The following SGPP2 variants were observed in gnomAD, a reference collection of about 807,000 sequenced individuals.
SGPP2 encodes sphingosine 1-phosphate phosphohydrolase 2.
SGPP2 carries 30 observed loss-of-function variants against 33.9 expected under a neutral mutation model. The ratio of observed to expected loss-of-function variants is 0.89; its 90% CI spans 0.66 to 1.20. The LOEUF (loss-of-function observed/expected upper bound fraction) is 1.20, where lower values mean the gene tolerates loss of function less well. SGPP2 is among the 50% of genes most tolerant of loss of function. SGPP2 has a pLI of 0.00. For synonymous variants in SGPP2, 233 were observed against 225.0 expected, an observed-to-expected ratio of 1.04 and a Z score of -0.32; for missense variants, 458 against 532.1, an observed-to-expected ratio of 0.86 and a Z score of 1.37.
At chr2:222,536,328 A>G (rs1698914909) in intron 4 of SGPP2, among the ~76,000 whole-genome samples, 1 of 152,242 alleles carries the variant, frequency 6.6e-6, no homozygotes, top group African/African-American at 2.4e-5. Flanking sequence ...TGATATGAAT[A>G]GGTAATATAC....
chr2:222,544,918 A>G (rs1689161063), intron 4 of SGPP2, among the ~76,000 whole-genome samples: 1 of 152,150 alleles, frequency 6.6e-6, no homozygotes, highest in Non-Finnish European at 1.5e-5. Flanking sequence ...AGTGGGCCTG[A>G]CTTGTTATTA....
chr2:222,428,074 C>A (rs140416086), intron 1 of SGPP2, among the ~76,000 whole-genome samples: 128 of 152,320 alleles, frequency 8.4e-4, no homozygotes, highest in African/African-American at 2.9e-3. Flanking sequence ...GTCTAAACTT[C>A]TTTCCTCTGT....
chr2:222,425,007 C>A (rs543310653), intron 1 of SGPP2, among the ~76,000 whole-genome samples, 186 bp downstream of exon 1: 13 of 152,212 alleles, frequency 8.5e-5, no homozygotes, highest in Non-Finnish European at 1.6e-4. Context: ...CACCCTCCAA[C>A]GCTGCCAGGG....
At chr2:222,521,735 A>G in intron 2 of SGPP2, 32 bp from the exon 3 acceptor site, 1 of 1,570,996 alleles carries the variant, frequency 6.4e-7, no homozygotes, top group East Asian at 2.4e-5. Context: ...TCCTTATTTG[A>G]TTAGACTTAC....
At chr2:222,536,184 G>A (rs1366627811) in intron 4 of SGPP2, among the ~76,000 whole-genome samples, 2 of 152,178 alleles carry the variant, frequency 1.3e-5, no homozygotes, top group Non-Finnish European at 2.9e-5. Flanking sequence ...TTTCATTGAA[G>A]GGTGAAGTTT....
chr2:222,446,237 G>A (rs1697396725), intron 1 of SGPP2, among the ~76,000 whole-genome samples: 1 of 152,206 alleles, frequency 6.6e-6, no homozygotes, highest in Admixed American at 6.5e-5. Flanking sequence ...GGAGTCATTG[G>A]AAGGTGGTGA....
intron 2 of SGPP2, among the ~76,000 whole-genome samples, chr2:222,519,152 A>G (rs1490390964): frequency 6.6e-6 from 1 of 152,252 alleles, no homozygotes; most frequent in African/African-American, 2.4e-5. Flanking sequence ...AGTCCTGGTA[A>G]GATATGTTTT....
intron 2 of SGPP2, among the ~76,000 whole-genome samples, chr2:222,501,459 G>A (rs1001337626): frequency 6.6e-6 from 1 of 152,140 alleles, no homozygotes; most frequent in Non-Finnish European, 1.5e-5. Flanking sequence ...CTCAAAAGCT[G>A]TCTTTTTACA....
At chr2:222,555,774 T>G (rs994482953) in intron 4 of SGPP2, among the ~76,000 whole-genome samples, 1 of 152,116 alleles carries the variant, frequency 6.6e-6, no homozygotes, top group African/African-American at 2.4e-5. Flanking sequence ...ACCAGGCTAT[T>G]TCAGGGTAAC....
At position 222,470,581 on chromosome 2, in the gene SGPP2, T is replaced by G. The variant is rs1207574788; in HGVS notation, c.220-3987T>G. On this transcript the variant is annotated intron_variant, in intron 1 of 4. Coordinates refer to ENST00000321276, the MANE Select transcript of SGPP2 (RefSeq NM_152386.4). ...TTAGTGATATGTAGCACTAAAGCAGTTTGCTATCACTTTTGGTGGTCTTTT... is the reference window on the plus strand; with the variant it reads ...TTAGTGATATGTAGCACTAAAGCAGGTTGCTATCACTTTTGGTGGTCTTTT... Among the ~76,000 whole-genome samples the G allele has an allele frequency of 2.0e-5, 3 of 152,100 alleles. 1 individual carries two copies. Among genetic ancestry groups the G allele is most frequent in the Middle Eastern group, 6.3e-3 (2 of 316 alleles).
At chr2:222,440,864 T>C (rs147843260) in intron 1 of SGPP2, among the ~76,000 whole-genome samples, 2,538 of 152,084 alleles carry the variant, frequency 0.017, 29 homozygotes, top group Middle Eastern at 0.034. Flanking sequence ...TGACACTCTC[T>C]GCTTCCTTTA....
intron 1 of SGPP2, among the ~76,000 whole-genome samples, chr2:222,474,229 T>C (rs1170716053): frequency 6.6e-6 from 1 of 152,240 alleles, no homozygotes; most frequent in Non-Finnish European, 1.5e-5. Flanking sequence ...CTCTGCCTAT[T>C]GCAGAGACCC....
intron 4 of SGPP2, among the ~76,000 whole-genome samples, chr2:222,554,946 G>A (rs564411807): frequency 9.9e-5 from 15 of 152,080 alleles, no homozygotes; most frequent in Non-Finnish European, 1.6e-4. Context: ...AGTGACCCCC[G>A]CCACGATAAA....
intron 1 of SGPP2, among the ~76,000 whole-genome samples, chr2:222,446,818 T>G (rs1442935705): frequency 6.6e-6 from 1 of 152,150 alleles, no homozygotes; most frequent in Non-Finnish European, 1.5e-5. Context: ...TAACTCAACA[T>G]TTGGAGCCTG....
Position 222,523,081 on chromosome 2 carries a change from C to T in SGPP2, c.558+1135C>T, listed in dbSNP as rs575599925. Among the ~76,000 whole-genome samples, 3 of 152,314 alleles carry T rather than the reference C, an allele frequency of 2.0e-5. No homozygotes were observed. In the South Asian group the frequency reaches 6.2e-4, roughly 32 times the overall value. On this transcript the variant is annotated intron_variant, in intron 3 of 4. Transcript: ENST00000321276. ...TTTACCCCAGAAGCCCAGGGATGTT[C>T]CATATTCCAGGTTATGCAGAAGCAG...
intron 1 of SGPP2, among the ~76,000 whole-genome samples, chr2:222,434,931 A>G (rs1443998236): frequency 6.6e-6 from 1 of 151,062 alleles, no homozygotes; most frequent in Non-Finnish European, 1.5e-5. Flanking sequence ...TGGTTTGTAT[A>G]TTAGGGTTCT....
intron 1 of SGPP2, chr2:222,453,196 A>G (rs1235132276): frequency 6.4e-6 from 5 of 776,942 alleles, no homozygotes; most frequent in East Asian, 2.4e-5. Context: ...AAGGATGGAT[A>G]GTTTCTTCAG....
intron 1 of SGPP2, among the ~76,000 whole-genome samples, chr2:222,428,775 A>C (rs1013381772): frequency 9.4e-5 from 14 of 148,678 alleles, no homozygotes; most frequent in East Asian, 5.9e-4. Context: ...GGGAAAAAAA[A>C]CATGGTTTTC....
intron 1 of SGPP2, among the ~76,000 whole-genome samples, chr2:222,425,197 C>A (rs1372281825): frequency 1.3e-5 from 2 of 152,148 alleles, no homozygotes; most frequent in Admixed American, 6.5e-5. Context: ...AGACTCCCCC[C>A]CACCCCCGTA....
Sources: allele counts gnomAD v4.1 joint callset (sites outside exome capture counted in the v4.1 genomes callset), GRCh38; gene constraint gnomAD v4.1.1; transcripts MANE v1.5; gene names NCBI Gene and HGNC (gene_info 2026-07-23, HGNC 2026-07-21).